The following CNTN4 variants were observed in gnomAD, a reference collection of about 807,000 sequenced individuals.
CNTN4 encodes the protein contactin-4.
Under a neutral mutation model 122.5 loss-of-function variants are expected in CNTN4, and 77 were observed. The ratio of observed to expected loss-of-function variants is 0.63; its 90% confidence interval spans 0.52 to 0.76. The LOEUF is 0.76. CNTN4 is among the 30% of genes least tolerant of loss of function. CNTN4 has a pLI of 0.00. For synonymous variants in CNTN4, 512 were observed against 447.0 expected, an observed-to-expected ratio of 1.15 and a Z score of -1.83; for missense variants, 1,256 against 1,259.1, an observed-to-expected ratio of 1.00 and a Z score of 0.04.
At chr3:2,177,406 T>C (rs2149267597) in intron 2 of CNTN4, among the ~76,000 whole-genome samples, 1 of 152,208 alleles carries the variant, frequency 6.6e-6, no homozygotes, top group South Asian at 2.1e-4. Flanking sequence ...ACTGGCACAC[T>C]TGTCTCCCCA....
chr3:2,702,746 A>G (rs9813228), intron 4 of CNTN4, among the ~76,000 whole-genome samples: 2 of 152,138 alleles, frequency 1.3e-5, no homozygotes, highest in African/African-American at 2.4e-5. Context: ...TATTCACGCA[A>G]TCGTTCATGT....
chr3:2,504,981 A>C (rs1161766299), intron 3 of CNTN4, among the ~76,000 whole-genome samples: 1 of 152,182 alleles, frequency 6.6e-6, no homozygotes, highest in Non-Finnish European at 1.5e-5. Context: ...GGAAACAAAC[A>C]AAAAGAAGAA....
At chr3:2,396,407 C>T (rs1331072250) in intron 3 of CNTN4, among the ~76,000 whole-genome samples, 3 of 152,056 alleles carry the variant, frequency 2.0e-5, no homozygotes, top group African/African-American at 4.8e-5. Flanking sequence ...TGTTAAAGAC[C>T]CACCGTATGA....
chr3:2,695,616 G>A (rs2085985564), intron 4 of CNTN4, among the ~76,000 whole-genome samples: 1 of 152,166 alleles, frequency 6.6e-6, no homozygotes, highest in Non-Finnish European at 1.5e-5. Flanking sequence ...GGGTTGTGGG[G>A]AAGGGATGTT....
At chr3:2,178,395 C>G (rs561450012) in intron 2 of CNTN4, among the ~76,000 whole-genome samples, 31 of 151,954 alleles carry the variant, frequency 2.0e-4, no homozygotes, top group African/African-American at 6.5e-4. Flanking sequence ...GATAGGCATC[C>G]TACCACACAA....
intron 3 of CNTN4, 68 bp from the exon 4 acceptor site, chr3:2,571,348 A>G (rs2079412115): frequency 1.5e-6 from 1 of 672,298 alleles, no homozygotes; most frequent in African/African-American, 1.8e-5. Context: ...TTGAGTAAAG[A>G]TAAACTTGCA....
chr3:2,778,117 G>A (rs1338095209), intron 6 of CNTN4, among the ~76,000 whole-genome samples: 1 of 141,524 alleles, frequency 7.1e-6, no homozygotes, highest in Non-Finnish European at 1.5e-5. Flanking sequence ...AGGAGGCTGA[G>A]GCAGGAGAAT....
chr3:2,611,830 G>T (rs980037321), intron 4 of CNTN4, among the ~76,000 whole-genome samples: 2 of 152,104 alleles, frequency 1.3e-5, no homozygotes, highest in Non-Finnish European at 2.9e-5. Flanking sequence ...GTGCCCTGTG[G>T]CATCTCTTAT....
chr3:2,240,374 T>G (rs1401282469), intron 2 of CNTN4, among the ~76,000 whole-genome samples: 3 of 152,156 alleles, frequency 2.0e-5, no homozygotes, highest in Admixed American at 6.5e-5. Context: ...TAGTTTGCAT[T>G]AAATGCTCCT....
chr3:2,162,820 G>C (rs757408879), intron 2 of CNTN4, among the ~76,000 whole-genome samples: 2 of 152,208 alleles, frequency 1.3e-5, no homozygotes, highest in Non-Finnish European at 2.9e-5. Context: ...AACAGGGCTG[G>C]GTGTGGTGGC....
At chr3:2,425,774 C>G (rs1054747311) in intron 3 of CNTN4, among the ~76,000 whole-genome samples, 3 of 152,084 alleles carry the variant, frequency 2.0e-5, no homozygotes, top group African/African-American at 7.2e-5. Flanking sequence ...CCTTGAAGAG[C>G]TCCTTCACAA....
At chr3:2,148,380 A>T (rs1319341636) in intron 2 of CNTN4, among the ~76,000 whole-genome samples, 1 of 151,806 alleles carries the variant, frequency 6.6e-6, no homozygotes, top group African/African-American at 2.4e-5. Context: ...CAGAAAATAA[A>T]AAAAAAAAAT....
intron 2 of CNTN4, among the ~76,000 whole-genome samples, chr3:2,265,998 C>T (rs764131978): frequency 3.9e-5 from 6 of 151,982 alleles, no homozygotes; most frequent in Non-Finnish European, 5.9e-5. Context: ...AATAAAAAAT[C>T]GTATCATCTG....
chr3:2,101,193 C>T (rs1235840645), intron 2 of CNTN4, among the ~76,000 whole-genome samples: 1 of 152,156 alleles, frequency 6.6e-6, no homozygotes, highest in Non-Finnish European at 1.5e-5. Context: ...ACTTCTCTCT[C>T]CTTTTTGTTC....
chr3:2,319,073 A>G (rs972699053), intron 2 of CNTN4, among the ~76,000 whole-genome samples: 1 of 152,162 alleles, frequency 6.6e-6, no homozygotes, highest in African/African-American at 2.4e-5. Context: ...TGTTACTACT[A>G]TTTAGAATTT....
chr3:2,467,014 A>G (rs1381465618), intron 3 of CNTN4, among the ~76,000 whole-genome samples: 3 of 126,614 alleles, frequency 2.4e-5, no homozygotes, highest in Admixed American at 9.4e-5. Context: ...AAGTGCTGTC[A>G]CTGATCTAAT....
intron 4 of CNTN4, among the ~76,000 whole-genome samples, chr3:2,730,824 T>C (rs1432707204): frequency 6.6e-6 from 1 of 152,118 alleles, no homozygotes; most frequent in East Asian, 1.9e-4. Context: ...ATTCAGATTC[T>C]CTTGCCCAGC....
At chr3:2,110,004 G>A (rs1345648418) in intron 2 of CNTN4, among the ~76,000 whole-genome samples, 1 of 152,244 alleles carries the variant, frequency 6.6e-6, no homozygotes, top group African/African-American at 2.4e-5. Context: ...TAAATTAAGA[G>A]TTGCTTTTAA....
intron 2 of CNTN4, among the ~76,000 whole-genome samples, chr3:2,315,450 C>T (rs1028538679): frequency 1.3e-5 from 2 of 151,738 alleles, no homozygotes; most frequent in Non-Finnish European, 2.9e-5. Context: ...AGTGGATATC[C>T]AGCTTGGTTA....
Sources: allele counts gnomAD v4.1 joint callset (sites outside exome capture counted in the v4.1 genomes callset), GRCh38; gene constraint gnomAD v4.1.1; transcripts MANE v1.5; gene names NCBI Gene and HGNC (gene_info 2026-07-23, HGNC 2026-07-21).